The following SNTB1 variants were observed in gnomAD, a reference collection of about 807,000 sequenced individuals.
The protein encoded by SNTB1 is syntrophin beta 1.
In SNTB1, 36 loss-of-function variants were observed where a neutral mutation model predicts 48.9. The observed-to-expected ratio is 0.74, with a 90% CI of 0.56 to 0.97. SNTB1 has a LOEUF of 0.97. SNTB1 is among the 50% of genes least tolerant of loss of function. SNTB1 has a pLI of 0.00. For synonymous variants in SNTB1, 299 were observed against 294.6 expected (o/e 1.01, Z -0.15); for missense variants, 786 against 703.4 (o/e 1.12, Z -1.33).
chr8:120,639,392 A>G (rs1817144611), intron 2 of SNTB1, among the ~76,000 whole-genome samples: 1 of 152,106 alleles, frequency 6.6e-6, no homozygotes, highest in African/African-American at 2.4e-5. Flanking sequence ...CTTTAGTTTA[A>G]TTAGATGCCA....
chr8:120,788,907 C>T (rs187310680), intron 1 of SNTB1, among the ~76,000 whole-genome samples: 225 of 152,154 alleles, frequency 1.5e-3, no homozygotes, highest in African/African-American at 5.2e-3. Flanking sequence ...AAGACCCTTA[C>T]AAAACATACT....
intron 2 of SNTB1, among the ~76,000 whole-genome samples, chr8:120,646,788 C>T (rs1399778661): frequency 2.0e-5 from 3 of 152,304 alleles, no homozygotes; most frequent in Non-Finnish European, 4.4e-5. Flanking sequence ...GTGAATCCAT[C>T]TGGTTCTGGA....
chr8:120,559,721 G>A (rs1815621026), intron 4 of SNTB1, among the ~76,000 whole-genome samples: 1 of 152,132 alleles, frequency 6.6e-6, no homozygotes, highest in Middle Eastern at 3.2e-3. Flanking sequence ...ATTTAATTCT[G>A]GAGAAGTATC....
At position 120,546,768 on chromosome 8, in the gene SNTB1, T is replaced by C. The variant is rs565165483; in HGVS notation, c.1333+1994A>G. On this transcript the variant is annotated intron_variant, in intron 5 of 6. Transcript: ENST00000517992. ...TACAGGCGTGAGCCACCACACCGGGTTTCCAGTCCCTTATTTAATCTTTGC... is the reference window on the plus strand; with the variant it reads ...TACAGGCGTGAGCCACCACACCGGGCTTCCAGTCCCTTATTTAATCTTTGC... Among the ~76,000 whole-genome samples, 3 of 152,222 alleles carry C rather than the reference T, an allele frequency of 2.0e-5. No individual in the cohort carries two copies. In the East Asian group the frequency reaches 5.8e-4, roughly 29 times the overall value.
At chr8:120,720,050 C>T (rs1818632502) in intron 1 of SNTB1, among the ~76,000 whole-genome samples, 1 of 152,208 alleles carries the variant, frequency 6.6e-6, no homozygotes, top group African/African-American at 2.4e-5. Flanking sequence ...GCCATCAAAC[C>T]TTCCAGTGAT....
intron 4 of SNTB1, among the ~76,000 whole-genome samples, chr8:120,568,544 G>A (rs896936782): frequency 6.6e-6 from 1 of 152,198 alleles, no homozygotes; most frequent in Non-Finnish European, 1.5e-5. Context: ...TCCAGTGAGT[G>A]TTTCACAGAT....
intron 3 of SNTB1, among the ~76,000 whole-genome samples, chr8:120,600,089 G>A (rs1289344695): frequency 6.6e-6 from 1 of 152,228 alleles, no homozygotes; most frequent in Non-Finnish European, 1.5e-5. Context: ...ACCTGTCTGT[G>A]TGGCAGTTTA....
At chr8:120,713,710 A>T (rs1207895599) in intron 1 of SNTB1, among the ~76,000 whole-genome samples, 1 of 152,240 alleles carries the variant, frequency 6.6e-6, no homozygotes, top group Admixed American at 6.5e-5. Flanking sequence ...AGCCTGGGCA[A>T]CAGAGAGAGA....
At chr8:120,589,668 T>C (rs1471504655) in intron 3 of SNTB1, among the ~76,000 whole-genome samples, 2 of 152,162 alleles carry the variant, frequency 1.3e-5, no homozygotes, top group Admixed American at 6.5e-5. Context: ...TATCCTCATA[T>C]GGTGGAAGGA....
At chr8:120,681,101 GAA>G (rs1475376725) in intron 2 of SNTB1, among the ~76,000 whole-genome samples, 1 of 152,128 alleles carries the variant, frequency 6.6e-6, no homozygotes, top group Non-Finnish European at 1.5e-5. Flanking sequence ...GATGAATGCT[GAA>G]GTTTATCTAG....
chr8:120,782,582 A>T (rs1227826098), intron 1 of SNTB1, among the ~76,000 whole-genome samples: 1 of 152,220 alleles, frequency 6.6e-6, no homozygotes, highest in Non-Finnish European at 1.5e-5. Context: ...AATTAGGCAT[A>T]AATATGTATA....
intron 1 of SNTB1, among the ~76,000 whole-genome samples, chr8:120,782,617 T>C (rs768969922): frequency 3.3e-5 from 5 of 151,896 alleles, no homozygotes; most frequent in East Asian, 1.9e-4. Context: ...CACACACACA[T>C]ATATATGTAA....
At chr8:120,743,156 G>A (rs991810177) in intron 1 of SNTB1, among the ~76,000 whole-genome samples, 2 of 152,098 alleles carry the variant, frequency 1.3e-5, no homozygotes, top group African/African-American at 4.8e-5. Flanking sequence ...TTCTTTATGG[G>A]TTTTTCTGCT....
At chr8:120,653,749 T>C (rs368922355) in intron 2 of SNTB1, among the ~76,000 whole-genome samples, 16 of 152,182 alleles carry the variant, frequency 1.1e-4, no homozygotes, top group African/African-American at 3.1e-4. Flanking sequence ...TAAAAAGTTG[T>C]CTTCTTAGGG....
At chr8:120,645,789 C>A (rs1460105733) in intron 2 of SNTB1, among the ~76,000 whole-genome samples, 1 of 99,584 alleles carries the variant, frequency 1.0e-5, no homozygotes, top group Non-Finnish European at 2.1e-5. Context: ...ATTCTTCCTA[C>A]CCATGAGCAT....
intron 2 of SNTB1, among the ~76,000 whole-genome samples, chr8:120,663,454 G>A (rs1012598582): frequency 6.6e-6 from 1 of 152,142 alleles, no homozygotes; most frequent in African/African-American, 2.4e-5. Flanking sequence ...TCACAGGCAT[G>A]CGCCACCATG....
intron 2 of SNTB1, among the ~76,000 whole-genome samples, chr8:120,662,428 C>T (rs1012324901): frequency 3.9e-5 from 6 of 152,084 alleles, no homozygotes; most frequent in South Asian, 2.1e-4. Context: ...TGTTTTGTTT[C>T]GACTTCATTA....
Position 120,538,760 on chromosome 8 carries a change from T to A in SNTB1, c.*117A>T, listed in dbSNP as rs756417205. 2.3e-6 allele frequency: 2 copies of A among 873,622 alleles called. No individual in the cohort carries two copies. The highest frequency in any genetic ancestry group is 3.9e-6 in the Non-Finnish European group (2 of 512,006). The allele number at this position is 873,622 out of a possible 1,614,324, so 54.1% of individuals were successfully genotyped here. A position where few individuals can be genotyped will look rare whatever the true frequency, so the allele number is the denominator to read the frequency against. ...ACAGTTACATACGACTCTTGAGAGC[T>A]AAAGCTGACTGTAGCACGCTACATC... On this transcript the variant is annotated 3_prime_UTR_variant, in exon 7 of 7. Transcript: ENST00000517992.
chr8:120,650,000 G>A (rs1251991371), intron 2 of SNTB1, among the ~76,000 whole-genome samples: 1 of 152,206 alleles, frequency 6.6e-6, no homozygotes, highest in African/African-American at 2.4e-5. Context: ...CTTCCCAAGT[G>A]AGGCAATGCC....
Sources: allele counts gnomAD v4.1 joint callset (sites outside exome capture counted in the v4.1 genomes callset), GRCh38; gene constraint gnomAD v4.1.1; transcripts MANE v1.5; gene names NCBI Gene and HGNC (gene_info 2026-07-23, HGNC 2026-07-21).